Variants in LEKR1 observed in about 807,000 individuals in gnomAD.
LEKR1 encodes the protein protein LEKR1.
Under a neutral mutation model 72.4 loss-of-function variants are expected in LEKR1, and 59 were observed. That is an observed-to-expected ratio of 0.82 (90% confidence interval 0.66 to 1.01). The LOEUF is 1.01. Ranked by LOEUF, LEKR1 falls within the 50% of genes least tolerant of loss-of-function variation. The pLI, the probability that LEKR1 is intolerant of heterozygous loss-of-function variation, is 0.00. For synonymous variants in LEKR1, 257 were observed against 263.2 expected, an observed-to-expected ratio of 0.98 and a Z score of 0.23; for missense variants, 728 against 759.2, an observed-to-expected ratio of 0.96 and a Z score of 0.48.
chr3:156,961,522 C>G (rs1349789670), intron 6 of LEKR1, among the ~76,000 whole-genome samples: 2 of 152,186 alleles, frequency 1.3e-5, no homozygotes, highest in African/African-American at 2.4e-5. Context: ...TAGAACCATA[C>G]AATATGCGGT....
chr3:156,889,273 T>G (rs1316209906), intron 3 of LEKR1, among the ~76,000 whole-genome samples: 1 of 150,544 alleles, frequency 6.6e-6, no homozygotes, highest in East Asian at 2.0e-4. Context: ...TTTGCCTAAT[T>G]GTAAGCATGT....
intron 3 of LEKR1, among the ~76,000 whole-genome samples, chr3:156,876,894 T>A (rs2108549521): frequency 6.6e-6 from 1 of 152,334 alleles, no homozygotes; most frequent in Middle Eastern, 3.4e-3. Context: ...ATCCTTGCTT[T>A]GTTCCAGTTC....
chr3:156,882,747 C>A (rs565696115), intron 3 of LEKR1, among the ~76,000 whole-genome samples: 25 of 152,256 alleles, frequency 1.6e-4, no homozygotes, highest in South Asian at 4.1e-4. Flanking sequence ...GACTTGGAAC[C>A]AAGCCAAATG....
chr3:156,849,298 G>A (rs1463832988), intron 2 of LEKR1, among the ~76,000 whole-genome samples: 1 of 152,150 alleles, frequency 6.6e-6, no homozygotes, highest in African/African-American at 2.4e-5. Flanking sequence ...CTCATGGGTA[G>A]GAAGAATCAA....
At chr3:156,999,472 A>G (rs1300356820) in intron 9 of LEKR1, among the ~76,000 whole-genome samples, 1 of 151,744 alleles carries the variant, frequency 6.6e-6, no homozygotes, top group Admixed American at 6.6e-5. Context: ...CAGGTTTCAC[A>G]ATGAGGAGCC....
At chr3:156,871,792 TG>T (rs1560040508) in intron 3 of LEKR1, among the ~76,000 whole-genome samples, 1 of 152,188 alleles carries the variant, frequency 6.6e-6, no homozygotes, top group Non-Finnish European at 1.5e-5. Flanking sequence ...AAATTCCATT[TG>T]ATTATGATGT....
At chr3:156,948,611 A>G (rs1180679634) in intron 6 of LEKR1, among the ~76,000 whole-genome samples, 1 of 151,532 alleles carries the variant, frequency 6.6e-6, no homozygotes, top group Non-Finnish European at 1.5e-5. Flanking sequence ...GCTATTGTGA[A>G]TAGTGCTGCT....
chr3:156,829,373 A>G lies in LEKR1; in HGVS notation c.44A>G (p.Gln15Arg), dbSNP rs1429886951. Residue 15 changes from glutamine to arginine, a missense_variant, in exon 2 of 13, where the codon CAA becomes CGA. Gln to Arg is a conservative substitution (Grantham distance 43). Coordinates refer to ENST00000356539, the MANE Select transcript of LEKR1 (RefSeq NM_001004316.3). ...ATGCATGCGTTGCCTGAAGAAATCC[A>G]AAAGGTATGATATATTGTGTTGCTA... ...IPMHALPEEI[Q>R]KMLPEEKVCK... 6.5e-6 allele frequency: 10 copies of G among 1,532,816 alleles called. No homozygotes were observed. The East Asian group carries it at 2.2e-4, about 34-fold the overall frequency. 95.0% of individuals were successfully genotyped at this position (1,532,816 alleles called of 1,614,324 possible). A position where few individuals can be genotyped will look rare whatever the true frequency, so the allele number is the denominator to read the frequency against.
chr3:157,037,705 G>GGTAAAGAGTTTTGTTGTTTTT (rs1735065621), intron 12 of LEKR1, among the ~76,000 whole-genome samples: 2 of 152,084 alleles, frequency 1.3e-5, no homozygotes, highest in South Asian at 2.1e-4. Flanking sequence ...TCATTTAACA[G>GGTAAAGAGTTTTGTTGTTTTT]GTAAAGAGTT....
chr3:156,974,015 C>T (rs566762833), intron 6 of LEKR1, among the ~76,000 whole-genome samples: 28 of 152,088 alleles, frequency 1.8e-4, no homozygotes, highest in African/African-American at 6.3e-4. Flanking sequence ...TACCTAATAC[C>T]GCCCTGGAGA....
chr3:156,995,294 T>C (rs187388295), intron 9 of LEKR1, among the ~76,000 whole-genome samples: 65 of 152,278 alleles, frequency 4.3e-4, no homozygotes, highest in African/African-American at 1.5e-3. Flanking sequence ...GCCATGTTTT[T>C]AAAAAAATTA....
At chr3:156,884,361 TG>T (rs1719835115) in intron 3 of LEKR1, among the ~76,000 whole-genome samples, 1 of 152,212 alleles carries the variant, frequency 6.6e-6, no homozygotes, top group African/African-American at 2.4e-5. Context: ...GTTGTGTTAT[TG>T]CTTTATAGGC....
Position 157,020,255 on chromosome 3 carries a change from T to TTTATTATTATTA in LEKR1, c.1204-4476_1204-4465dup, listed in dbSNP as rs139276879. 5.4e-4 allele frequency among the ~76,000 whole-genome samples: 76 copies of TTTATTATTATTA among 140,378 alleles called. 1 individual carries two copies. Among genetic ancestry groups the TTTATTATTATTA allele is most frequent in the East Asian group, 1.7e-3 (8 of 4,782 alleles). 92.1% of individuals were successfully genotyped at this position (140,378 alleles called of 152,430 possible). On this transcript the variant is annotated intron_variant, in intron 10 of 12. Coordinates refer to ENST00000356539, the MANE Select transcript of LEKR1 (RefSeq NM_001004316.3). ...ATCAAAGGGACCCTGCTGATTTTCT[T>TTTATTATTATTA]TTATTATTATTATTATTATTATTAT...
chr3:156,900,457 C>G (rs1184179901), intron 3 of LEKR1, among the ~76,000 whole-genome samples: 1 of 152,138 alleles, frequency 6.6e-6, no homozygotes, highest in Admixed American at 6.5e-5. Context: ...GTAGTATGCT[C>G]TTAGCCAGTC....
intron 3 of LEKR1, among the ~76,000 whole-genome samples, chr3:156,878,282 A>G (rs1718861685): frequency 6.6e-6 from 1 of 152,060 alleles, no homozygotes; most frequent in African/African-American, 2.4e-5. Context: ...CTTTCCTGTT[A>G]ACACTGTTTT....
intron 9 of LEKR1, among the ~76,000 whole-genome samples, chr3:157,001,253 C>T (rs2108015503): frequency 6.6e-6 from 1 of 152,302 alleles, no homozygotes; most frequent in Admixed American, 6.5e-5. Flanking sequence ...CCAAGACTCA[C>T]CTCTTTCTCT....
chr3:156,935,470 T>A (rs1725606402), intron 5 of LEKR1, among the ~76,000 whole-genome samples: 1 of 152,208 alleles, frequency 6.6e-6, no homozygotes, highest in South Asian at 2.1e-4. Context: ...GCTTGCCTTT[T>A]TAACAGTTTC....
intron 3 of LEKR1, among the ~76,000 whole-genome samples, chr3:156,909,146 A>G (rs1013786626): frequency 3.3e-5 from 5 of 152,100 alleles, no homozygotes; most frequent in African/African-American, 7.2e-5. Flanking sequence ...TTCATCTTCC[A>G]CTATGATTGT....
intron 3 of LEKR1, among the ~76,000 whole-genome samples, chr3:156,879,700 T>C (rs1719050524): frequency 6.6e-6 from 1 of 152,152 alleles, no homozygotes; most frequent in Admixed American, 6.5e-5. Context: ...AAAAATGGTT[T>C]TGTGTGCCAG....
Sources: gnomAD v4.1 joint callset for allele counts (sites outside exome capture counted in the v4.1 genomes callset) on GRCh38, gnomAD v4.1.1 for gene constraint, MANE v1.5 for transcripts, NCBI Gene and HGNC (gene_info 2026-07-23, HGNC 2026-07-21) for gene names.